CPNE4: variants seen among roughly 807,000 people sequenced by gnomAD.
CPNE4 encodes the protein copine-4.
Under a neutral mutation model 67.9 loss-of-function variants are expected in CPNE4, and 25 were observed. The observed-to-expected ratio is 0.37, with a 90% confidence interval of 0.27 to 0.51. CPNE4 has a LOEUF of 0.51. CPNE4 is among the 20% of genes least tolerant of loss of function. The probability of loss-of-function intolerance (pLI) is 0.93; values close to 1 mark genes in which losing one functional copy is unlikely to be tolerated. For missense variants in CPNE4, 464 were observed against 690.8 expected, an observed-to-expected ratio of 0.67 and a Z score of 3.68; for synonymous variants, 242 against 244.9, an observed-to-expected ratio of 0.99 and a Z score of 0.11.
chr3:131,652,263 A>C (rs376757495), intron 7 of CPNE4, among the ~76,000 whole-genome samples: 101 of 152,320 alleles, frequency 6.6e-4, no homozygotes, highest in African/African-American at 2.4e-3. Flanking sequence ...AGCCTTCTCT[A>C]TCAGTTTAGT....
intron 7 of CPNE4, among the ~76,000 whole-genome samples, chr3:131,626,667 A>G (rs1018239691): frequency 1.3e-5 from 2 of 152,270 alleles, no homozygotes; most frequent in South Asian, 2.1e-4. Context: ...TAAAGCATGT[A>G]ACCCAGAAGA....
intron 1 of CPNE4, among the ~76,000 whole-genome samples, chr3:131,997,447 C>T (rs575528672): frequency 3.0e-4 from 45 of 152,200 alleles, no homozygotes; most frequent in African/African-American, 1.0e-3. Context: ...TTTCCTTAGT[C>T]CTGGCTCTGC....
At chr3:131,885,341 T>A (rs1281987371) in intron 2 of CPNE4, among the ~76,000 whole-genome samples, 7 of 151,648 alleles carry the variant, frequency 4.6e-5, no homozygotes, top group Admixed American at 4.6e-4. Context: ...ATTTCTTTTT[T>A]TTTTTTTCTG....
At chr3:131,795,527 A>G (rs1333387595) in intron 2 of CPNE4, among the ~76,000 whole-genome samples, 1 of 152,156 alleles carries the variant, frequency 6.6e-6, no homozygotes, top group Non-Finnish European at 1.5e-5. Context: ...TACCACTGAT[A>G]TCAACTAACC....
chr3:131,698,233 C>CAAAAAAAAAAAAAAAAAA (rs369274504), intron 4 of CPNE4, among the ~76,000 whole-genome samples: 25 of 64,454 alleles, frequency 3.9e-4, no homozygotes, highest in African/African-American at 7.2e-4. Flanking sequence ...GGCTCTGTCT[C>CAAAAAAAAAAAAAAAAAA]AAAAAAAAAA....
intron 1 of CPNE4, among the ~76,000 whole-genome samples, chr3:132,026,439 C>G (rs1306984404): frequency 6.6e-6 from 1 of 152,154 alleles, no homozygotes; most frequent in Non-Finnish European, 1.5e-5. Context: ...AGAATCCAAG[C>G]CCAAGAAGCA....
chr3:131,543,606 G>A (rs1935646673), intron 14 of CPNE4, among the ~76,000 whole-genome samples: 1 of 152,082 alleles, frequency 6.6e-6, no homozygotes, highest in Admixed American at 6.5e-5. Context: ...TGGAGTACAT[G>A]CTAAAATGAC....
At chr3:131,661,523 T>C (rs902589614) in intron 7 of CPNE4, among the ~76,000 whole-genome samples, 3 of 152,218 alleles carry the variant, frequency 2.0e-5, no homozygotes, top group Non-Finnish European at 4.4e-5. Context: ...GGCAGCCTGC[T>C]GTACTCAGGG....
chr3:131,558,403 C>T (rs977416122), intron 11 of CPNE4, among the ~76,000 whole-genome samples: 1 of 151,954 alleles, frequency 6.6e-6, no homozygotes, highest in Non-Finnish European at 1.5e-5. Context: ...CCACTCAGCA[C>T]CCAGCAAAGG....
intron 2 of CPNE4, among the ~76,000 whole-genome samples, chr3:131,888,278 G>A (rs1439580978): frequency 6.6e-6 from 1 of 152,094 alleles, no homozygotes; most frequent in African/African-American, 2.4e-5. Context: ...ACAAATCCTA[G>A]TTTCTCCAGA....
intron 14 of CPNE4, among the ~76,000 whole-genome samples, chr3:131,543,244 C>T (rs930327033): frequency 5.9e-5 from 9 of 152,206 alleles, no homozygotes; most frequent in Non-Finnish European, 1.0e-4. Flanking sequence ...CCCCATGAGA[C>T]TACTCAGCCC....
At chr3:131,853,847 A>G (rs893226606) in intron 2 of CPNE4, among the ~76,000 whole-genome samples, 1 of 151,886 alleles carries the variant, frequency 6.6e-6, no homozygotes, top group Non-Finnish European at 1.5e-5. Context: ...GTAATATTTC[A>G]TGCCCACTAA....
chr3:132,003,350 G>C (rs1016809625), intron 1 of CPNE4, among the ~76,000 whole-genome samples: 1 of 152,064 alleles, frequency 6.6e-6, no homozygotes, highest in Non-Finnish European at 1.5e-5. Flanking sequence ...TCTTTTCAGA[G>C]AGGCTTTAAG....
intron 2 of CPNE4, among the ~76,000 whole-genome samples, chr3:131,856,688 A>C (rs966672086): frequency 6.6e-6 from 1 of 152,020 alleles, no homozygotes; most frequent in African/African-American, 2.4e-5. Context: ...GGACTTTCCA[A>C]GCATGATCCT....
chr3:131,638,547 A>T (rs968934050), intron 7 of CPNE4, among the ~76,000 whole-genome samples: 1 of 152,200 alleles, frequency 6.6e-6, no homozygotes, highest in Non-Finnish European at 1.5e-5. Context: ...AGACCTAAGA[A>T]ATGAGACAGA....
intron 2 of CPNE4, among the ~76,000 whole-genome samples, chr3:131,889,429 A>T (rs1277230880): frequency 6.6e-6 from 1 of 152,150 alleles, no homozygotes; most frequent in Non-Finnish European, 1.5e-5. Flanking sequence ...CTTGTTTCCA[A>T]ACTGACCTCA....
At chr3:131,856,438 G>A (rs1013069614) in intron 2 of CPNE4, among the ~76,000 whole-genome samples, 2 of 151,690 alleles carry the variant, frequency 1.3e-5, no homozygotes, top group African/African-American at 4.8e-5. Context: ...AAGTTCAGAT[G>A]TTTTAAAAAA....
At chr3:131,898,978 T>C (rs775823486) in intron 2 of CPNE4, among the ~76,000 whole-genome samples, 5 of 152,144 alleles carry the variant, frequency 3.3e-5, no homozygotes, top group African/African-American at 9.7e-5. Context: ...TGTCGTTTTT[T>C]TATCATCTGT....
At chr3:131,582,876 A>G (rs1187256789) in intron 8 of CPNE4, among the ~76,000 whole-genome samples, 2 of 152,218 alleles carry the variant, frequency 1.3e-5, no homozygotes, top group Non-Finnish European at 2.9e-5. Flanking sequence ...GTGGAGCACT[A>G]TGTGAAGCAG....
Sources: gnomAD v4.1 joint callset for allele counts (sites outside exome capture counted in the v4.1 genomes callset) on GRCh38, gnomAD v4.1.1 for gene constraint, MANE v1.5 for transcripts, NCBI Gene and HGNC (gene_info 2026-07-23, HGNC 2026-07-21) for gene names.